WWP1: variants seen among roughly 807,000 people sequenced by gnomAD.
The protein encoded by WWP1 is NEDD4-like E3 ubiquitin-protein ligase WWP1.
In WWP1, 49 loss-of-function variants were observed where a neutral mutation model predicts 130.6. That is an observed-to-expected ratio of 0.38 (90% CI 0.30 to 0.48). The LOEUF is 0.48. WWP1 is among the 20% of genes least tolerant of loss of function. The pLI is 0.99. For missense variants in WWP1, 809 were observed against 1,100.6 expected, an observed-to-expected ratio of 0.74 and a Z score of 3.75; for synonymous variants, 332 against 367.8, an observed-to-expected ratio of 0.90 and a Z score of 1.11.
At chr8:86,357,114 A>G (rs1823308293) in intron 1 of WWP1, among the ~76,000 whole-genome samples, 1 of 152,184 alleles carries the variant, frequency 6.6e-6, no homozygotes, top group Non-Finnish European at 1.5e-5. Flanking sequence ...TGTGTATTTC[A>G]TATTTTCATG....
intron 17 of WWP1, chr8:86,442,190 TAC>T (rs1459556749): frequency 1.3e-5 from 2 of 153,044 alleles, no homozygotes; most frequent in African/African-American, 4.8e-5. Context: ...TTGAGAAACT[TAC>T]AGTCTGATGG....
At chr8:86,413,636 C>A (rs776800707) in intron 9 of WWP1, among the ~76,000 whole-genome samples, 1 of 152,196 alleles carries the variant, frequency 6.6e-6, no homozygotes, top group Non-Finnish European at 1.5e-5. Flanking sequence ...GAGCCGACTG[C>A]ACATTCAGAT....
intron 1 of WWP1, among the ~76,000 whole-genome samples, chr8:86,360,605 G>A (rs181083751): frequency 7.2e-5 from 11 of 152,310 alleles, no homozygotes; most frequent in Admixed American, 4.6e-4. Context: ...TTTGCCTCCA[G>A]AATATATCTC....
At chr8:86,439,660 A>C (rs1810490347) in intron 17 of WWP1, among the ~76,000 whole-genome samples, 1 of 152,174 alleles carries the variant, frequency 6.6e-6, no homozygotes, top group Admixed American at 6.5e-5. Flanking sequence ...TTTGGGAATA[A>C]AGTTTTCTAC....
In WWP1 at chr8:86,342,708, G is replaced by C; in HGVS notation, c.-337G>C. 1 of 332,734 alleles carries C rather than the reference G, an allele frequency of 3.0e-6. No individual in the cohort carries two copies. Among genetic ancestry groups the C allele is most frequent in the Non-Finnish European group, 5.4e-6 (1 of 185,354 alleles). The allele number at this position is 332,734 out of a possible 1,614,324, so 20.6% of individuals were successfully genotyped here. A position where few individuals can be genotyped will look rare whatever the true frequency, so the allele number is the denominator to read the frequency against. ...GGTCGGCTGGGGGTGGCGCGTGGACGGGGTGGGGGTGGGGGGAGGGTCGGG... is the reference window on the plus strand; with the variant it reads ...GGTCGGCTGGGGGTGGCGCGTGGACCGGGTGGGGGTGGGGGGAGGGTCGGG... On this transcript the variant is annotated 5_prime_UTR_variant, in exon 1 of 25. Coordinates refer to ENST00000517970, the MANE Select transcript of WWP1 (RefSeq NM_007013.4).
intron 7 of WWP1, 71 bp from the exon 8 acceptor site, chr8:86,401,948 C>T: frequency 7.5e-7 from 1 of 1,324,892 alleles, no homozygotes; most frequent in South Asian, 2.1e-5. Context: ...TTTAGTAAAT[C>T]CTATGAAAAT....
At chr8:86,364,971 G>A (rs1198367161) in intron 1 of WWP1, among the ~76,000 whole-genome samples, 1 of 152,010 alleles carries the variant, frequency 6.6e-6, no homozygotes, top group African/African-American at 2.4e-5. Flanking sequence ...TGAAAAATAG[G>A]AAGAGAGTGC....
chr8:86,430,791 A>ATATCTC (rs374452710), intron 12 of WWP1, 40 bp downstream of exon 12: 6 of 505,044 alleles, frequency 1.2e-5, no homozygotes, highest in Admixed American at 5.1e-5. Flanking sequence ...GGAGATATAT[A>ATATCTC]TCTCTCCATA....
At chr8:86,416,791 TTTTC>T (rs1808913942) in intron 9 of WWP1, among the ~76,000 whole-genome samples, 1 of 152,172 alleles carries the variant, frequency 6.6e-6, no homozygotes, top group African/African-American at 2.4e-5. Context: ...TGTTCATGAA[TTTTC>T]ACTACGGGAT....
intron 9 of WWP1, among the ~76,000 whole-genome samples, chr8:86,424,481 C>T (rs1202078539): frequency 5.3e-5 from 8 of 151,786 alleles, no homozygotes; most frequent in East Asian, 2.0e-4. Context: ...TGTAGCTAGC[C>T]GAGATCACGC....
At chr8:86,370,422 T>C (rs1411625352) in intron 2 of WWP1, among the ~76,000 whole-genome samples, 1 of 152,176 alleles carries the variant, frequency 6.6e-6, no homozygotes, top group Non-Finnish European at 1.5e-5. Context: ...AGTTTCTTTA[T>C]TGTGTGCAGA....
chr8:86,431,464 C>T lies in WWP1; in HGVS notation c.1446C>T (p.Thr482=). ...TTGTGAATCATAACACAAAAACAACCCAGTGGGAAGATCCAAGAACTCAAG... is the reference window on the plus strand; with the variant it reads ...TTGTGAATCATAACACAAAAACAACTCAGTGGGAAGATCCAAGAACTCAAG... ...VYFVNHNTKT[T]QWEDPRTQGL... Residue 482 remains threonine (T), a synonymous_variant, in exon 13 of 25, where the codon ACC becomes ACT. Transcript: ENST00000517970. 1.9e-6 allele frequency: 3 copies of T among 1,609,688 alleles called. No homozygotes were observed. Among genetic ancestry groups the T allele is most frequent in the Non-Finnish European group, 1.7e-6 (2 of 1,177,748 alleles).
chr8:86,436,918 T>G (rs1462750270), intron 16 of WWP1, among the ~76,000 whole-genome samples: 2 of 152,030 alleles, frequency 1.3e-5, no homozygotes, highest in African/African-American at 2.4e-5. Flanking sequence ...ACGATTGGAC[T>G]TTGGGCATGA....
At chr8:86,357,354 T>A (rs1203072221) in intron 1 of WWP1, among the ~76,000 whole-genome samples, 3 of 152,204 alleles carry the variant, frequency 2.0e-5, no homozygotes, top group Non-Finnish European at 4.4e-5. Context: ...TTTTTTTATA[T>A]GACTGCTAAC....
At chr8:86,427,151 G>A (rs1347901615) in intron 10 of WWP1, among the ~76,000 whole-genome samples, 5 of 146,972 alleles carry the variant, frequency 3.4e-5, no homozygotes, top group African/African-American at 1.0e-4. Flanking sequence ...TGACAAGAGC[G>A]AAACGCCATC....
chr8:86,406,059 A>G (rs1036712401), intron 8 of WWP1, among the ~76,000 whole-genome samples: 3 of 152,188 alleles, frequency 2.0e-5, no homozygotes, highest in Non-Finnish European at 2.9e-5. Context: ...GAAGATTGGC[A>G]GGTATTCCAG....
At chr8:86,429,969 C>T (rs1318399439) in intron 11 of WWP1, among the ~76,000 whole-genome samples, 1 of 152,040 alleles carries the variant, frequency 6.6e-6, no homozygotes, top group Non-Finnish European at 1.5e-5. Flanking sequence ...GAGGCTGAGG[C>T]GGGTGGATCG....
intron 5 of WWP1, among the ~76,000 whole-genome samples, chr8:86,383,695 T>G (rs1218760313): frequency 1.3e-5 from 2 of 152,134 alleles, no homozygotes; most frequent in Non-Finnish European, 2.9e-5. Flanking sequence ...GAACTGAGAT[T>G]GCGCCACTGC....
intron 20 of WWP1, among the ~76,000 whole-genome samples, 159 bp downstream of exon 20, chr8:86,448,672 C>T (rs541095260): frequency 6.6e-6 from 1 of 152,108 alleles, no homozygotes; most frequent in South Asian, 2.1e-4. Context: ...CTTCATTTTC[C>T]CACTGCCATT....
Sources: allele counts gnomAD v4.1 joint callset (sites outside exome capture counted in the v4.1 genomes callset), GRCh38; gene constraint gnomAD v4.1.1; transcripts MANE v1.5; gene names NCBI Gene and HGNC (gene_info 2026-07-23, HGNC 2026-07-21).